HUNK: variants seen among roughly 807,000 people sequenced by gnomAD.
HUNK encodes hormonally up-regulated neu tumor-associated kinase.
Under a neutral mutation model 61.0 loss-of-function variants are expected in HUNK, and 21 were observed. The observed-to-expected ratio is 0.34, with a 90% CI of 0.24 to 0.50. The LOEUF is 0.50. HUNK is among the 20% of genes least tolerant of loss of function. HUNK has a pLI of 0.98. For missense variants in HUNK, 772 were observed against 945.7 expected (o/e 0.82, Z 2.41); for synonymous variants, 371 against 386.1 (o/e 0.96, Z 0.46).
In HUNK at chr21:31,873,738, G is replaced by C; in HGVS notation, c.64G>C (p.Ala22Pro). Reference protein sequence around the residue: ...EPAAPGGGGGAEDAARPAAAC... With the variant: ...EPAAPGGGGGPEDAARPAAAC... ...GGCGGCGCCTGGGGGCGGCGGCGGCGCGGAGGACGCGGCCAGGCCCGCGGC... is the reference window on the plus strand; with the variant it reads ...GGCGGCGCCTGGGGGCGGCGGCGGCCCGGAGGACGCGGCCAGGCCCGCGGC... The change falls in exon 1 of 11, where the codon GCG becomes CCG. Residue 22 changes from alanine to proline, a missense_variant. Coordinates refer to ENST00000270112, the MANE Select transcript of HUNK (RefSeq NM_014586.2). The surrounding 1 kb of genome is among the most constrained non-coding windows in gnomAD (Gnocchi z 6.1). 1 of 1,275,480 alleles carries C rather than the reference G, an allele frequency of 7.8e-7. No individual in the cohort carries two copies. The highest frequency in any genetic ancestry group is 2.8e-4 in the Middle Eastern group (1 of 3,544). The allele number at this position is 1,275,480 out of a possible 1,614,324, so 79.0% of individuals were successfully genotyped here. A position where few individuals can be genotyped will look rare whatever the true frequency, so the allele number is the denominator to read the frequency against.
At position 32,003,106 on chromosome 21, in the gene HUNK, G is replaced by C. The variant is rs2053256656; in HGVS notation, c.*3922G>C. On this transcript the variant is annotated 3_prime_UTR_variant, in exon 11 of 11. Coordinates refer to ENST00000270112, the MANE Select transcript of HUNK (RefSeq NM_014586.2). ...CAGAGTTTCTCCCTCAAAGAACACA[G>C]AGAAATCAGAGAGTGGCTGCCATGG... The C allele has an allele frequency of 6.6e-6, 1 of 152,322 alleles. No individual in the cohort carries two copies. The highest frequency in any genetic ancestry group is 1.5e-5 in the Non-Finnish European group (1 of 68,136). 9.4% of individuals were successfully genotyped at this position (152,322 alleles called of 1,614,324 possible).
intron 3 of HUNK, among the ~76,000 whole-genome samples, chr21:31,944,769 A>G (rs1288540950): frequency 2.6e-5 from 4 of 152,216 alleles, no homozygotes; most frequent in Non-Finnish European, 4.4e-5. Context: ...GTTTGGGCTG[A>G]AGAGTCTGGG....
At chr21:31,984,839 T>A (rs531728545) in intron 8 of HUNK, among the ~76,000 whole-genome samples, 1 of 152,292 alleles carries the variant, frequency 6.6e-6, no homozygotes, top group South Asian at 2.1e-4. Flanking sequence ...CCAGGTCTAT[T>A]AGTCTGTTCT....
At chr21:31,956,276 G>A (rs931018379) in intron 4 of HUNK, among the ~76,000 whole-genome samples, 7 of 152,230 alleles carry the variant, frequency 4.6e-5, no homozygotes, top group East Asian at 1.9e-4. Context: ...GCATAGAATC[G>A]CCCTGGATGG....
At position 31,913,602 on chromosome 21, in the gene HUNK, A is replaced by G. The variant is rs190357265; in HGVS notation, c.262-10866A>G. On this transcript the variant is annotated intron_variant, in intron 1 of 10. Coordinates refer to ENST00000270112, the MANE Select transcript of HUNK (RefSeq NM_014586.2). ...GGGCCGGGGGAGGTGACAGGCTCGG[A>G]GGCCCACAGATTATCCAGGTGGAGA... is the stretch of plus-strand genomic sequence containing the variant. 6.1e-4 allele frequency among the ~76,000 whole-genome samples: 93 copies of G among 151,946 alleles called. 1 individual carries two copies. In the East Asian group the frequency reaches 0.015, roughly 24 times the overall value.
chr21:31,918,415 T>C (rs1488847547), intron 1 of HUNK, among the ~76,000 whole-genome samples: 1 of 152,168 alleles, frequency 6.6e-6, no homozygotes, highest in African/African-American at 2.4e-5. Flanking sequence ...CCAGGGGTGT[T>C]AGTTTCCTGC....
chr21:31,990,882 G>A (rs2053168001), intron 9 of HUNK, among the ~76,000 whole-genome samples: 1 of 152,054 alleles, frequency 6.6e-6, no homozygotes, highest in Admixed American at 6.5e-5. Context: ...ATCTAGACTG[G>A]TGTTTGGCCA....
At chr21:31,919,393 C>T (rs73346740) in intron 1 of HUNK, among the ~76,000 whole-genome samples, 10,583 of 152,158 alleles carry the variant, frequency 0.07, 449 homozygotes, top group South Asian at 0.17. Flanking sequence ...TGCATTTGCA[C>T]AGAAGTTGGA....
intron 1 of HUNK, among the ~76,000 whole-genome samples, chr21:31,919,381 A>G (rs1208896568): frequency 6.6e-6 from 1 of 152,202 alleles, no homozygotes; most frequent in African/African-American, 2.4e-5. Context: ...GCTTGGAAAT[A>G]CTGCATTTGC....
chr21:31,981,515 G>A (rs2053097475), intron 7 of HUNK, among the ~76,000 whole-genome samples: 1 of 151,912 alleles, frequency 6.6e-6, no homozygotes, highest in African/African-American at 2.4e-5. Context: ...TCATTTACTT[G>A]TGTCTTCTTC....
intron 1 of HUNK, among the ~76,000 whole-genome samples, chr21:31,922,567 T>C (rs1405848796): frequency 6.6e-6 from 1 of 152,000 alleles, no homozygotes; most frequent in Non-Finnish European, 1.5e-5. Flanking sequence ...CCTCAAGTAA[T>C]TCACCCTCCT....
chr21:31,946,180 T>C lies in HUNK; in HGVS notation c.746+9T>C, dbSNP rs760018148. On this transcript the variant is annotated intron_variant, in intron 4 of 10. Transcript: ENST00000270112. Reference sequence around the variant, plus strand: ...ATCGATGTCTGGTCCATGTGAGTTATCAAGCTTCTGAAAGTCAGTGTTCCT... The same window carrying C: ...ATCGATGTCTGGTCCATGTGAGTTACCAAGCTTCTGAAAGTCAGTGTTCCT... The C allele has an allele frequency of 2.5e-6, 4 of 1,605,426 alleles. No individual in the cohort carries two copies. The South Asian group carries it at 3.3e-5, about 13-fold the overall frequency.
At chr21:31,958,310 T>C (rs937734704) in intron 4 of HUNK, among the ~76,000 whole-genome samples, 27 of 138,530 alleles carry the variant, frequency 1.9e-4, no homozygotes, top group African/African-American at 4.4e-4. Flanking sequence ...TTCTTTCTTT[T>C]TTTTTGAGAC....
intron 1 of HUNK, among the ~76,000 whole-genome samples, chr21:31,879,331 C>A (rs1419983417): frequency 6.6e-6 from 1 of 152,224 alleles, no homozygotes; most frequent in East Asian, 1.9e-4. Context: ...AAAGCACCTG[C>A]TTGGTGAGCC....
chr21:31,961,810 A>C (rs2052930919), intron 5 of HUNK, among the ~76,000 whole-genome samples: 1 of 152,212 alleles, frequency 6.6e-6, no homozygotes, highest in African/African-American at 2.4e-5. Flanking sequence ...GGGGAAAGGC[A>C]GACAGTGCTC....
At chr21:31,960,381 GT>G (rs34439358) in intron 5 of HUNK, among the ~76,000 whole-genome samples, 4,139 of 147,266 alleles carry the variant, frequency 0.028, 186 homozygotes, top group African/African-American at 0.094. Flanking sequence ...GAGTAAAAAG[GT>G]TTTTTTTTTT....
chr21:31,952,857 C>T (rs144246683), intron 4 of HUNK, among the ~76,000 whole-genome samples: 1 of 151,882 alleles, frequency 6.6e-6, no homozygotes, highest in East Asian at 1.9e-4. Context: ...AACCCCTGGT[C>T]GTATTTGATT....
intron 7 of HUNK, among the ~76,000 whole-genome samples, chr21:31,981,382 T>TTC (rs58263115): frequency 6.6e-6 from 1 of 151,688 alleles, no homozygotes; most frequent in East Asian, 1.9e-4. Flanking sequence ...TTTTTTTTTT[T>TTC]CTGTTTCTGT....
intron 1 of HUNK, among the ~76,000 whole-genome samples, chr21:31,916,834 G>T (rs754887384): frequency 6.6e-6 from 1 of 151,826 alleles, no homozygotes; most frequent in Non-Finnish European, 1.5e-5. Context: ...GCACCACCAC[G>T]CCCAGATAAT....
Sources: allele counts gnomAD v4.1 joint callset (sites outside exome capture counted in the v4.1 genomes callset), GRCh38; gene constraint gnomAD v4.1.1; non-coding constraint Gnocchi (gnomAD v3.1); transcripts MANE v1.5; gene names NCBI Gene and HGNC (gene_info 2026-07-23, HGNC 2026-07-21).